Variants in XKR6 observed in about 807,000 individuals in gnomAD.
XKR6 encodes the protein XK related 6, also known as XK-related protein 6.
In XKR6, 22 loss-of-function variants were observed where a neutral mutation model predicts 56.7. The observed-to-expected ratio is 0.39, with a 90% CI of 0.28 to 0.55. The LOEUF is 0.55. Ranked by LOEUF, XKR6 falls within the 20% of genes least tolerant of loss-of-function variation. XKR6 has a pLI of 0.66. For synonymous variants in XKR6, 524 were observed against 387.8 expected, an observed-to-expected ratio of 1.35 and a Z score of -4.13; for missense variants, 852 against 889.0, an observed-to-expected ratio of 0.96 and a Z score of 0.53.
chr8:11,025,265 A>G (rs747498138), intron 1 of XKR6, among the ~76,000 whole-genome samples: 5 of 152,200 alleles, frequency 3.3e-5, no homozygotes, highest in African/African-American at 4.8e-5. Flanking sequence ...AAAAACTTCA[A>G]TTCAGTGGTT....
chr8:11,113,739 A>T (rs1799019170), intron 1 of XKR6: 1 of 152,488 alleles, frequency 6.6e-6, no homozygotes, highest in Non-Finnish European at 1.5e-5. Context: ...CTGATTAGGT[A>T]GCTCACAAGA....
chr8:11,137,944 T>G (rs973536399), intron 1 of XKR6: 69 of 351,334 alleles, frequency 2.0e-4, no homozygotes, highest in African/African-American at 1.5e-3. Flanking sequence ...TTGATCACAG[T>G]AAACCCACCA....
Position 11,020,675 on chromosome 8 carries a change from T to C in XKR6, c.765-95845A>G, listed in dbSNP as rs77871900. Reference sequence around the variant, plus strand: ...AAAATCTCAGCCAAGGAGGCCTTGATTGGCATTCATGGGCTATGGCTTTTC... The same window carrying C: ...AAAATCTCAGCCAAGGAGGCCTTGACTGGCATTCATGGGCTATGGCTTTTC... On this transcript the variant is annotated intron_variant, in intron 1 of 2. Transcript: ENST00000416569. Among the ~76,000 whole-genome samples the C allele has an allele frequency of 2.0e-3, 300 of 152,356 alleles. 1 individual carries two copies. Among genetic ancestry groups the C allele is most frequent in the African/African-American group, 6.7e-3 (280 of 41,586 alleles).
chr8:11,195,173 G>T (rs1470102797), intron 1 of XKR6: 2 of 703,126 alleles, frequency 2.8e-6, no homozygotes, highest in Non-Finnish European at 5.2e-6. Flanking sequence ...ACTTCATGTG[G>T]TTAAATCTGC....
intron 1 of XKR6, among the ~76,000 whole-genome samples, chr8:11,112,268 C>G (rs937257687): frequency 6.6e-6 from 1 of 152,164 alleles, no homozygotes; most frequent in African/African-American, 2.4e-5. Context: ...TGTTCTTATG[C>G]ATCTCATACT....
chr8:11,152,814 T>TA (rs1295692585), intron 1 of XKR6, among the ~76,000 whole-genome samples: 2 of 152,186 alleles, frequency 1.3e-5, no homozygotes, highest in Non-Finnish European at 2.9e-5. Context: ...CAAATATAAT[T>TA]ATCCAATCAA....
At chr8:11,064,037 A>C (rs1350723713) in intron 1 of XKR6, among the ~76,000 whole-genome samples, 5 of 151,992 alleles carry the variant, frequency 3.3e-5, no homozygotes, top group Admixed American at 3.3e-4. Flanking sequence ...CTATATCAAC[A>C]TCCATCAGTC....
At chr8:11,187,621 A>C (rs1803343598) in intron 1 of XKR6, among the ~76,000 whole-genome samples, 2 of 152,176 alleles carry the variant, frequency 1.3e-5, no homozygotes, top group Non-Finnish European at 1.5e-5. Context: ...GAAAAAAACA[A>C]CAAAAAAGAA....
chr8:11,117,723 TG>T (rs989269050), intron 1 of XKR6, among the ~76,000 whole-genome samples: 78 of 152,134 alleles, frequency 5.1e-4, no homozygotes, highest in African/African-American at 1.8e-3. Context: ...GATTAAAAAG[TG>T]GCCAAAAAAC....
At chr8:11,115,012 G>A (rs574098991) in intron 1 of XKR6, among the ~76,000 whole-genome samples, 2 of 152,294 alleles carry the variant, frequency 1.3e-5, no homozygotes, top group African/African-American at 2.4e-5. Context: ...CCTCATCAGT[G>A]AGTCTGGAGT....
chr8:11,170,917 A>C (rs1175046716), intron 1 of XKR6, among the ~76,000 whole-genome samples: 3 of 152,214 alleles, frequency 2.0e-5, no homozygotes, highest in African/African-American at 7.2e-5. Context: ...TAGGTAATTA[A>C]CCTTTGCTGT....
At chr8:11,006,297 A>G (rs1228580107) in intron 1 of XKR6, among the ~76,000 whole-genome samples, 2 of 152,182 alleles carry the variant, frequency 1.3e-5, no homozygotes, top group Admixed American at 6.5e-5. Flanking sequence ...TCCTTCATTC[A>G]GCGCCTACTG....
At chr8:11,184,382 CACACAT>C (rs1412432650) in intron 1 of XKR6, among the ~76,000 whole-genome samples, 1 of 109,556 alleles carries the variant, frequency 9.1e-6, no homozygotes, top group African/African-American at 4.7e-5. Context: ...TATATATATA[CACACAT>C]ACACACACAC....
rs184919561 is a variant in XKR6 at position 11,005,747 on chromosome 8, T to A, written c.765-80917A>T. 5.7e-3 allele frequency among the ~76,000 whole-genome samples: 873 copies of A among 152,226 alleles called. 8 individuals are homozygous for A. Among genetic ancestry groups the A allele is most frequent in the African/African-American group, 0.02 (820 of 41,540 alleles). On this transcript the variant is annotated intron_variant, in intron 1 of 2. Transcript: ENST00000416569. ...AATTTAAACAGTGGCTATCTCTGAA[T>A]GCTGAGATTATATTTTATTTTCCTC...
chr8:11,098,565 C>T (rs1030624561), intron 1 of XKR6, among the ~76,000 whole-genome samples: 6 of 152,172 alleles, frequency 3.9e-5, no homozygotes, highest in Non-Finnish European at 8.8e-5. Context: ...TGCCGAAAAG[C>T]TTTCTCCATA....
At chr8:10,979,564 G>A (rs934863464) in intron 1 of XKR6, among the ~76,000 whole-genome samples, 6 of 152,218 alleles carry the variant, frequency 3.9e-5, no homozygotes, top group Admixed American at 3.9e-4. Flanking sequence ...AGCCAAGACA[G>A]TTGGTCAAGC....
At chr8:10,995,455 A>G (rs1798088673) in intron 1 of XKR6, among the ~76,000 whole-genome samples, 1 of 147,364 alleles carries the variant, frequency 6.8e-6, no homozygotes, top group South Asian at 2.1e-4. Flanking sequence ...TAATATATAT[A>G]TTATATATAA....
chr8:11,124,307 A>C (rs755280409), intron 1 of XKR6: 1 of 335,838 alleles, frequency 3.0e-6, no homozygotes, highest in Non-Finnish European at 5.8e-6. Context: ...TCTACCCTTC[A>C]TTTCTACTGG....
intron 1 of XKR6, among the ~76,000 whole-genome samples, chr8:11,086,940 AG>A (rs1797911677): frequency 6.6e-6 from 1 of 152,188 alleles, no homozygotes; most frequent in African/African-American, 2.4e-5. Context: ...CCACCTTCTT[AG>A]CGATCTCCAG....
Sources: allele counts gnomAD v4.1 joint callset (sites outside exome capture counted in the v4.1 genomes callset), GRCh38; gene constraint gnomAD v4.1.1; transcripts MANE v1.5; gene names NCBI Gene and HGNC (gene_info 2026-07-23, HGNC 2026-07-21).